MAP6: variants seen among roughly 807,000 people sequenced by gnomAD.
MAP6 encodes microtubule-associated protein 6.
Under a neutral mutation model 42.4 loss-of-function variants are expected in MAP6, and 26 were observed. The ratio of observed to expected loss-of-function variants is 0.61; its 90% CI spans 0.45 to 0.85. MAP6 has a LOEUF of 0.85. Among genes scored for constraint, MAP6 ranks in the 40% least tolerant of loss-of-function variants. MAP6 has a pLI of 0.00. For missense variants in MAP6, 966 were observed against 1,099.0 expected (o/e 0.88, Z 1.71); for synonymous variants, 418 against 443.8 (o/e 0.94, Z 0.73).
chr11:75,666,934 G>T (rs1195091280), intron 1 of MAP6, among the ~76,000 whole-genome samples: 1 of 152,154 alleles, frequency 6.6e-6, no homozygotes, highest in Admixed American at 6.5e-5. Context: ...AATTTGTAAA[G>T]ATCCTGTGGG....
chr11:75,638,866 G>C (rs1281283436), intron 1 of MAP6, among the ~76,000 whole-genome samples: 1 of 152,180 alleles, frequency 6.6e-6, no homozygotes, highest in Non-Finnish European at 1.5e-5. Flanking sequence ...GTTTATCACA[G>C]CTCTGTTCAC....
chr11:75,598,042 C>G (rs1942612025), intron 3 of MAP6, among the ~76,000 whole-genome samples: 1 of 152,240 alleles, frequency 6.6e-6, no homozygotes, highest in Non-Finnish European at 1.5e-5. Context: ...CACCGCAGGC[C>G]TGGGAATCAG....
chr11:75,664,120 G>A (rs190562051), intron 1 of MAP6, among the ~76,000 whole-genome samples: 27 of 152,232 alleles, frequency 1.8e-4, no homozygotes, highest in Admixed American at 6.5e-4. Flanking sequence ...GTCACAAATG[G>A]CTTCCCAGTG....
chr11:75,644,866 TATA>T (rs1465952338), intron 1 of MAP6, among the ~76,000 whole-genome samples: 1 of 152,040 alleles, frequency 6.6e-6, no homozygotes, highest in Admixed American at 6.6e-5. Flanking sequence ...TATAGTAAAA[TATA>T]ATAAGTCTTT....
intron 1 of MAP6, among the ~76,000 whole-genome samples, chr11:75,618,799 AGCCGACAGGT>A (rs1190508081): frequency 2.6e-5 from 4 of 152,170 alleles, no homozygotes; most frequent in African/African-American, 9.7e-5. Flanking sequence ...GCCCTGGTAG[AGCCGACAGGT>A]GCTCTGGGAG....
rs113301029 is a variant in MAP6, at chr11:75,604,151, C to T, written c.1316+1657G>A. ...TAAACCCTGAGATAGAAAGGAAGGT[C>T]GCAGTGGGCCTGATCAACAACTTCG... On this transcript the variant is annotated intron_variant, in intron 3 of 3. Transcript: ENST00000304771. 153 of 985,880 alleles carry T rather than the reference C, an allele frequency of 1.6e-4. 1 individual carries two copies. In the African/African-American group the frequency reaches 1.7e-3, roughly 11 times the overall value. The allele number at this position is 985,880 out of a possible 1,614,324, so 61.1% of individuals were successfully genotyped here.
Position 75,637,594 on chromosome 11 carries a change from C to A in MAP6, c.906-29272G>T, listed in dbSNP as rs578089305. ...GCAGGAGTCCAAAAAGACTTGGATC[C>A]AATTCTCTACTCTGAACCCCACCGT... On this transcript the variant is annotated intron_variant, in intron 1 of 3. Transcript: ENST00000304771. Among the ~76,000 whole-genome samples, 537 of 152,116 alleles carry A rather than the reference C, an allele frequency of 3.5e-3. 1 individual carries two copies. Among genetic ancestry groups the A allele is most frequent in the Non-Finnish European group, 5.7e-3 (389 of 68,006 alleles).
intron 2 of MAP6, 41 bp from the exon 3 acceptor site, chr11:75,606,045 G>C (rs1225151581): frequency 1.2e-6 from 2 of 1,603,144 alleles, no homozygotes; most frequent in African/African-American, 2.7e-5. Context: ...AACACAAAAA[G>C]GTGGGGCGTG....
At chr11:75,604,120 C>A (rs1384357065) in intron 3 of MAP6, 23 of 985,894 alleles carry the variant, frequency 2.3e-5, no homozygotes, top group Middle Eastern at 5.2e-4. Context: ...TCCTTCCTCA[C>A]AGTTTTAAAC....
rs1038563574 is a variant in MAP6 at position 75,587,283 on chromosome 11, G to C, written c.2218C>G (p.Arg740Gly). The C allele has an allele frequency of 6.2e-7, 1 of 1,614,158 alleles. No homozygotes were observed. The highest frequency in any genetic ancestry group is 8.5e-7 in the Non-Finnish European group (1 of 1,180,028). ...TVLQPPKNQG[R>G]IVPEPLKNQV... Reference sequence around the variant, plus strand: ...TTCTTCAGAGGTTCAGGGACTATACGACCTTGATTCTTTGGAGGCTGTAGG... The same window carrying C: ...TTCTTCAGAGGTTCAGGGACTATACCACCTTGATTCTTTGGAGGCTGTAGG... The change falls in exon 4 of 4, where the codon CGT (arginine) becomes GGT (glycine). Residue 740 changes from arginine (R) to glycine (G), a missense_variant. Coordinates refer to ENST00000304771, the MANE Select transcript of MAP6 (RefSeq NM_033063.2).
intron 3 of MAP6, among the ~76,000 whole-genome samples, chr11:75,589,863 C>T (rs996532315): frequency 6.6e-6 from 1 of 152,204 alleles, no homozygotes; most frequent in Non-Finnish European, 1.5e-5. Context: ...TTTTATTCTT[C>T]TGTGTTGTCC....
At chr11:75,650,925 C>T (rs531244502) in intron 1 of MAP6, among the ~76,000 whole-genome samples, 9 of 152,278 alleles carry the variant, frequency 5.9e-5, no homozygotes, top group African/African-American at 2.2e-4. Flanking sequence ...ATCACACACT[C>T]CTAGCCCTAA....
intron 1 of MAP6, 135 bp from the exon 2 acceptor site, chr11:75,608,457 C>A (rs1384270489): frequency 4.2e-6 from 3 of 708,736 alleles, no homozygotes; most frequent in Non-Finnish European, 7.1e-6. Flanking sequence ...GGAGGGTTAG[C>A]CTCACTCTTT....
chr11:75,644,187 T>C (rs1175599063), intron 1 of MAP6, among the ~76,000 whole-genome samples: 1 of 152,056 alleles, frequency 6.6e-6, no homozygotes, highest in Non-Finnish European at 1.5e-5. Flanking sequence ...GATTTTGCAA[T>C]AGTGTATAAA....
At chr11:75,601,718 G>T (rs1164052169) in intron 3 of MAP6, among the ~76,000 whole-genome samples, 1 of 149,894 alleles carries the variant, frequency 6.7e-6, no homozygotes, top group South Asian at 2.1e-4. Context: ...GCCCACTCAC[G>T]TGCACCAGGC....
intron 3 of MAP6, among the ~76,000 whole-genome samples, chr11:75,600,892 A>G (rs1346176369): frequency 6.6e-6 from 1 of 152,242 alleles, no homozygotes; most frequent in Non-Finnish European, 1.5e-5. Context: ...AAGAACACAA[A>G]AACTCTAAGG....
intron 3 of MAP6, chr11:75,594,778 C>G (rs1448592928): frequency 6.6e-6 from 1 of 152,156 alleles, no homozygotes; most frequent in Non-Finnish European, 1.5e-5. Flanking sequence ...CAGGCCCTCA[C>G]TGGGGACACA....
At position 75,663,957 on chromosome 11, in the gene MAP6, G is replaced by A. The variant is rs1422482246; in HGVS notation, c.905+3508C>T. ...TGGTGCCTCAGCTGGTTTCTTCTAG[G>A]AAAAGTTTCTCATTAGCATTTCTAT... is the stretch of plus-strand genomic sequence containing the variant. On this transcript the variant is annotated intron_variant, in intron 1 of 3. Coordinates refer to ENST00000304771, the MANE Select transcript of MAP6 (RefSeq NM_033063.2). Among the ~76,000 whole-genome samples the A allele has an allele frequency of 3.3e-5, 5 of 152,270 alleles. No individual in the cohort carries two copies. In the East Asian group the frequency reaches 9.6e-4, roughly 29 times the overall value.
intron 1 of MAP6, among the ~76,000 whole-genome samples, chr11:75,617,875 G>A (rs976720140): frequency 1.6e-4 from 24 of 152,272 alleles, no homozygotes; most frequent in African/African-American, 4.8e-4. Context: ...ATTGAGGAGA[G>A]AAGGCTACGC....
Sources: gnomAD v4.1 joint callset for allele counts (sites outside exome capture counted in the v4.1 genomes callset) on GRCh38, gnomAD v4.1.1 for gene constraint, MANE v1.5 for transcripts, NCBI Gene and HGNC (gene_info 2026-07-23, HGNC 2026-07-21) for gene names.